AGMO: variants seen among roughly 807,000 people sequenced by gnomAD.
The protein encoded by AGMO is glyceryl-ether monooxygenase.
In AGMO, 75 loss-of-function variants were observed where a neutral mutation model predicts 60.2. The ratio of observed to expected loss-of-function variants is 1.25; its 90% CI spans 1.03 to 1.51. AGMO has a LOEUF of 1.51. AGMO is among the 40% of genes most tolerant of loss of function. AGMO has a pLI of 0.00. For missense variants in AGMO, 763 were observed against 525.5 expected (o/e 1.45, Z -4.42); for synonymous variants, 261 against 177.1 (o/e 1.47, Z -3.76).
chr7:15,143,218 T>G, the AGMO span, among the ~76,000 whole-genome samples: 1 of 152,126 alleles, frequency 6.6e-6, no homozygotes, highest in South Asian at 2.1e-4. Context: ...AATTGATGAG[T>G]GGAAATCACT....
chr7:15,398,792 A>G (rs1467708271), intron 5 of AGMO, among the ~76,000 whole-genome samples: 1 of 152,168 alleles, frequency 6.6e-6, no homozygotes, highest in African/African-American at 2.4e-5. Context: ...ACATAGTCCA[A>G]TACTTCATTA....
chr7:15,199,850 A>T (rs1244934948), downstream of AGMO, among the ~76,000 whole-genome samples: 1 of 152,160 alleles, frequency 6.6e-6, no homozygotes, highest in Non-Finnish European at 1.5e-5. Flanking sequence ...CTTGAGATAG[A>T]ATGTGTTGCT....
At chr7:15,223,883 G>A (rs1045738026) in intron 12 of AGMO, among the ~76,000 whole-genome samples, 5 of 151,578 alleles carry the variant, frequency 3.3e-5, no homozygotes, top group Non-Finnish European at 4.4e-5. Context: ...ATATGTCAAT[G>A]TCACAAATGT....
At chr7:15,298,394 T>C (rs1373967945) in intron 12 of AGMO, among the ~76,000 whole-genome samples, 1 of 152,138 alleles carries the variant, frequency 6.6e-6, no homozygotes, top group African/African-American at 2.4e-5. Context: ...TTCTTGTGTG[T>C]CTGTGTGTGT....
intron 3 of AGMO, among the ~76,000 whole-genome samples, chr7:15,507,028 C>A (rs1292992054): frequency 6.6e-6 from 1 of 151,814 alleles, no homozygotes; most frequent in East Asian, 1.9e-4. Context: ...ATTCTATTGA[C>A]AATGGTGCTT....
chr7:15,220,409 G>A (rs1291989073), intron 12 of AGMO, among the ~76,000 whole-genome samples: 1 of 151,038 alleles, frequency 6.6e-6, no homozygotes, highest in Non-Finnish European at 1.5e-5. Flanking sequence ...AGTAGAGACT[G>A]GGTTTCAATG....
chr7:15,131,151 G>A, the AGMO span, among the ~76,000 whole-genome samples: 2 of 152,038 alleles, frequency 1.3e-5, no homozygotes, highest in Non-Finnish European at 2.9e-5. Flanking sequence ...AGCCTCATAG[G>A]AGTCTCGGTT....
intron 12 of AGMO, among the ~76,000 whole-genome samples, chr7:15,316,730 TCTCA>T (rs1780937082): frequency 6.6e-6 from 1 of 152,176 alleles, no homozygotes; most frequent in Non-Finnish European, 1.5e-5. Context: ...ACGTTTCCCC[TCTCA>T]CTGTTTAGCG....
At chr7:15,451,530 A>T (rs1365497058) in intron 3 of AGMO, among the ~76,000 whole-genome samples, 1 of 152,164 alleles carries the variant, frequency 6.6e-6, no homozygotes, top group Non-Finnish European at 1.5e-5. Flanking sequence ...TGCTCACTGT[A>T]TTCTTACATG....
At chr7:15,251,838 T>C (rs1470320723) in intron 12 of AGMO, among the ~76,000 whole-genome samples, 1 of 152,220 alleles carries the variant, frequency 6.6e-6, no homozygotes, top group South Asian at 2.1e-4. Flanking sequence ...CAGGAATTAA[T>C]GTTGCCTTTA....
the AGMO span, among the ~76,000 whole-genome samples, chr7:15,135,452 A>G: frequency 1.8e-4 from 28 of 152,118 alleles, no homozygotes; most frequent in Non-Finnish European, 3.2e-4. Context: ...ACAGCCATAT[A>G]TTTTGACTTT....
chr7:15,312,053 T>C (rs181014690), intron 12 of AGMO, among the ~76,000 whole-genome samples: 1 of 149,122 alleles, frequency 6.7e-6, no homozygotes, highest in East Asian at 2.0e-4. Flanking sequence ...AAAAAATAGA[T>C]GAAAAATGAA....
intron 12 of AGMO, among the ~76,000 whole-genome samples, chr7:15,261,395 A>G (rs562718384): frequency 3.3e-4 from 51 of 152,246 alleles, no homozygotes; most frequent in African/African-American, 1.1e-3. Context: ...TAAACTGGAA[A>G]TCCTACAAGA....
At chr7:15,153,849 C>T in the AGMO span, among the ~76,000 whole-genome samples, 1 of 152,030 alleles carries the variant, frequency 6.6e-6, no homozygotes, top group East Asian at 1.9e-4. Flanking sequence ...ATGAATGCTA[C>T]ATTTTTTTTC....
At chr7:15,546,226 G>T (rs916311869) in intron 2 of AGMO, among the ~76,000 whole-genome samples, 5 of 152,070 alleles carry the variant, frequency 3.3e-5, no homozygotes, top group Middle Eastern at 6.8e-3. Context: ...TAAAACACTA[G>T]ACTGTCTTAT....
intron 12 of AGMO, among the ~76,000 whole-genome samples, chr7:15,306,926 T>A (rs972843773): frequency 6.6e-6 from 1 of 152,018 alleles, no homozygotes; most frequent in Non-Finnish European, 1.5e-5. Context: ...ATTAAATGCA[T>A]ACGTTACAAT....
At chr7:15,393,320 AATAGCATTTACT>A (rs1293766663) in intron 6 of AGMO, among the ~76,000 whole-genome samples, 1 of 152,182 alleles carries the variant, frequency 6.6e-6, no homozygotes, top group African/African-American at 2.4e-5. Context: ...GAAACAGAAC[AATAGCATTTACT>A]TATGTATTCA....
At chr7:15,289,574 G>A (rs1295334461) in intron 12 of AGMO, among the ~76,000 whole-genome samples, 1 of 151,984 alleles carries the variant, frequency 6.6e-6, no homozygotes, top group African/African-American at 2.4e-5. Context: ...TGCATAAGCA[G>A]TTCATACATA....
At chr7:15,262,102 T>C (rs551109582) in intron 12 of AGMO, among the ~76,000 whole-genome samples, 17 of 152,086 alleles carry the variant, frequency 1.1e-4, no homozygotes, top group South Asian at 4.1e-4. Flanking sequence ...TCACTACTTT[T>C]ATTGAACATA....
Sources: gnomAD v4.1 joint callset for allele counts (sites outside exome capture counted in the v4.1 genomes callset) on GRCh38, gnomAD v4.1.1 for gene constraint, MANE v1.5 for transcripts, NCBI Gene and HGNC (gene_info 2026-07-23, HGNC 2026-07-21) for gene names.